KCNK3: variants seen among roughly 807,000 people sequenced by gnomAD.
The protein encoded by KCNK3 is potassium two pore domain channel subfamily K member 3.
KCNK3 carries 9 observed loss-of-function variants against 27.3 expected under a neutral mutation model. That is an observed-to-expected ratio of 0.33 (90% CI 0.20 to 0.57). The LOEUF (loss-of-function observed/expected upper bound fraction) is 0.57. Among genes scored for constraint, KCNK3 ranks in the 20% least tolerant of loss-of-function variants. KCNK3 has a pLI of 0.87. For missense variants in KCNK3, 391 were observed against 577.7 expected (o/e 0.68, Z 3.31); for synonymous variants, 278 against 273.8 (o/e 1.02, Z -0.15).
Position 26,693,175 on chromosome 2 carries a change from C to T in KCNK3, c.283+17C>T. ...CCACCATCGGTAACGGCTCGCCGGG[C>T]GGGGGGCGGGAACCCAGGGCTGGGC... is the stretch of plus-strand genomic sequence containing the variant. On this transcript the variant is annotated intron_variant, in intron 1 of 1. Coordinates refer to ENST00000302909, the MANE Select transcript of KCNK3 (RefSeq NM_002246.3). This position sits in a 1 kb window ranked among gnomAD's most constrained non-coding sequence, Gnocchi z 5.5. 2 of 1,276,558 alleles carry T rather than the reference C, an allele frequency of 1.6e-6. No homozygotes were observed. The highest frequency in any genetic ancestry group is 2.0e-6 in the Non-Finnish European group (2 of 998,668). 79.1% of individuals were successfully genotyped at this position (1,276,558 alleles called of 1,614,324 possible). A position where few individuals can be genotyped will look rare whatever the true frequency, so the allele number is the denominator to read the frequency against.
At chr2:26,715,488 G>A (rs932578346) in intron 1 of KCNK3, among the ~76,000 whole-genome samples, 5 of 152,230 alleles carry the variant, frequency 3.3e-5, no homozygotes, top group Admixed American at 6.5e-5. Context: ...ATAAAAAGCA[G>A]CAGCAGCTAA....
At chr2:26,702,821 T>A (rs1670326219) in intron 1 of KCNK3, among the ~76,000 whole-genome samples, 2 of 152,022 alleles carry the variant, frequency 1.3e-5, no homozygotes, top group Non-Finnish European at 2.9e-5. Context: ...AGGCCATCAA[T>A]AAGGGCAGGC....
chr2:26,703,177 G>A lies in KCNK3; in HGVS notation c.283+10019G>A, dbSNP rs145051463. ...TATGTGCTAAAACTGCTGTCCACAG[G>A]CAGAATTTCTTCTTTGAGGGAGCTT... On this transcript the variant is annotated intron_variant, in intron 1 of 1. Transcript: ENST00000302909. Among the ~76,000 whole-genome samples the A allele has an allele frequency of 9.2e-5, 14 of 152,224 alleles. No individual in the cohort carries two copies. In the East Asian group the frequency reaches 2.7e-3, roughly 29 times the overall value.
At chr2:26,720,358 C>T (rs1663306207) in intron 1 of KCNK3, among the ~76,000 whole-genome samples, 1 of 152,202 alleles carries the variant, frequency 6.6e-6, no homozygotes, top group South Asian at 2.1e-4. Context: ...CCCAGAGCAG[C>T]CCTGGGGTGC....
chr2:26,720,634 C>T (rs1663311192), intron 1 of KCNK3, among the ~76,000 whole-genome samples: 1 of 151,828 alleles, frequency 6.6e-6, no homozygotes, highest in African/African-American at 2.4e-5. Context: ...GGAGGCAGCT[C>T]AAGGCAAGAG....
chr2:26,709,652 C>T (rs1003079731), intron 1 of KCNK3, among the ~76,000 whole-genome samples: 1 of 152,142 alleles, frequency 6.6e-6, no homozygotes, highest in Non-Finnish European at 1.5e-5. Flanking sequence ...AACAGTGAGG[C>T]CAGATTCCAG....
intron 1 of KCNK3, among the ~76,000 whole-genome samples, chr2:26,706,620 G>A (rs1462845955): frequency 1.3e-5 from 2 of 152,150 alleles, no homozygotes; most frequent in Non-Finnish European, 2.9e-5. Context: ...GGGCCGGAGA[G>A]AGAAAACCTG....
chr2:26,700,511 G>A (rs1461906298), intron 1 of KCNK3, among the ~76,000 whole-genome samples: 3 of 152,186 alleles, frequency 2.0e-5, no homozygotes, highest in Non-Finnish European at 4.4e-5. Flanking sequence ...CTGGGCTGGT[G>A]GCCTCTCTGG....
Position 26,711,233 on chromosome 2 carries a change from G to A in KCNK3, c.284-16434G>A, listed in dbSNP as rs114557847. Among the ~76,000 whole-genome samples, 1,393 of 152,258 alleles carry A rather than the reference G, an allele frequency of 9.1e-3. 17 individuals carry two copies. Among genetic ancestry groups the A allele is most frequent in the African/African-American group, 0.031 (1,300 of 41,550 alleles). ...GAGTCACCTCACCTGTCCCAGCATC[G>A]CCTCCTCATTTCTCAGTGGGATGAA... is the stretch of plus-strand genomic sequence containing the variant. On this transcript the variant is annotated intron_variant, in intron 1 of 1. Coordinates refer to ENST00000302909, the MANE Select transcript of KCNK3 (RefSeq NM_002246.3).
Position 26,730,279 on chromosome 2 carries a change from C to T in KCNK3, c.*1711C>T, listed in dbSNP as rs1443049183. 6.6e-6 allele frequency: 1 copy of T among 152,252 alleles called. No individual in the cohort carries two copies. Among genetic ancestry groups the T allele is most frequent in the African/African-American group, 2.4e-5 (1 of 41,452 alleles). 9.4% of individuals were successfully genotyped at this position (152,252 alleles called of 1,614,324 possible). ...CTGGCACCATTGTCATTGTTGGTGC[C>T]TGTGTCCCAAGTAGCTAGTGATAAG... On this transcript the variant is annotated 3_prime_UTR_variant, in exon 2 of 2. Coordinates refer to ENST00000302909, the MANE Select transcript of KCNK3 (RefSeq NM_002246.3).
Position 26,728,272 on chromosome 2 carries a change from C to A in KCNK3, c.889C>A (p.Arg297Ser). The change falls in exon 2 of 2, where the codon CGC becomes AGC. Residue 297 changes from arginine to serine, a missense_variant. This residue lies in a region of KCNK3 where 192 missense variants were observed against 196.0 expected (regional missense o/e 0.98). Coordinates refer to ENST00000302909, the MANE Select transcript of KCNK3 (RefSeq NM_002246.3). ...GGCGGCAGCGGGCGGCGGCGGCTTC[C>A]GCAACGTCTACGCGGAGGTGCTGCA... ...STAAAGGGGF[R>S]NVYAEVLHFQ... 1 of 1,591,430 alleles carries A rather than the reference C, an allele frequency of 6.3e-7. No homozygotes were observed. Among genetic ancestry groups the A allele is most frequent in the East Asian group, 2.3e-5 (1 of 43,514 alleles).
chr2:26,720,442 C>G lies in KCNK3; in HGVS notation c.284-7225C>G, dbSNP rs187852989. Among the ~76,000 whole-genome samples the G allele has an allele frequency of 6.5e-3, 991 of 152,304 alleles. 9 individuals carry two copies. Among genetic ancestry groups the G allele is most frequent in the Non-Finnish European group, 0.012 (788 of 68,018 alleles). The stretch of plus-strand genomic sequence containing the variant: ...GCTGGCCAGGGAGGCAGGCCTGGCT[C>G]TAGGCCAGGCTGTGTCTGCAAACAC... On this transcript the variant is annotated intron_variant, in intron 1 of 1. Transcript: ENST00000302909.
At position 26,727,905 on chromosome 2, in the gene KCNK3, C is replaced by T. The variant is rs572142177; in HGVS notation, c.522C>T (p.Gly174=). ...FFSCISTLCI[G]AAAFSHYEHW... ...CGTGCATCAGCACGCTGTGCATCGG[C>T]GCCGCCGCCTTCTCCCACTACGAGC... The change falls in exon 2 of 2, where the codon GGC becomes GGT. Residue 174 remains glycine (G), a synonymous_variant. Coordinates refer to ENST00000302909, the MANE Select transcript of KCNK3 (RefSeq NM_002246.3). The T allele has an allele frequency of 5.0e-6, 8 of 1,614,208 alleles. No homozygotes were observed. Among genetic ancestry groups the T allele is most frequent in the African/African-American group, 1.3e-5 (1 of 75,068 alleles).
At chr2:26,720,793 G>A (rs1016633347) in intron 1 of KCNK3, among the ~76,000 whole-genome samples, 3 of 152,090 alleles carry the variant, frequency 2.0e-5, no homozygotes, top group Admixed American at 6.5e-5. Flanking sequence ...CAGAAGAAGC[G>A]GATAGGTGCT....
At chr2:26,726,150 G>A (rs1663416663) in intron 1 of KCNK3, among the ~76,000 whole-genome samples, 1 of 151,226 alleles carries the variant, frequency 6.6e-6, no homozygotes, top group Admixed American at 6.6e-5. Context: ...GAGACAGTAA[G>A]TCCAGGACAG....
chr2:26,725,697 G>A (rs1177707782), intron 1 of KCNK3, among the ~76,000 whole-genome samples: 1 of 152,182 alleles, frequency 6.6e-6, no homozygotes, highest in Admixed American at 6.5e-5. Context: ...AGCTGTCCAG[G>A]TCCCTAGCAA....
At chr2:26,716,962 A>G (rs1198859465) in intron 1 of KCNK3, among the ~76,000 whole-genome samples, 1 of 152,200 alleles carries the variant, frequency 6.6e-6, no homozygotes. Context: ...TTTTATTGGA[A>G]CACTAAATTT....
rs1412586028 is a variant in KCNK3 at position 26,728,385 on chromosome 2, C to A, written c.1002C>A (p.Ser334=). 1.9e-6 allele frequency: 3 copies of A among 1,606,994 alleles called. No homozygotes were observed. The African/African-American group carries it at 4.0e-5, about 21-fold the overall frequency. Residue 334 remains serine (S), a synonymous_variant, in exon 2 of 2, where the codon TCC becomes TCA. Transcript: ENST00000302909. ...SIPMIIPRDL[S]TSDTCVEQSH... ...CCATGATCATCCCGCGGGACCTCTCCACGTCCGACACGTGCGTGGAGCAGA... is the reference window on the plus strand; with the variant it reads ...CCATGATCATCCCGCGGGACCTCTCAACGTCCGACACGTGCGTGGAGCAGA...
Position 26,693,598 on chromosome 2 carries a change from G to A in KCNK3, c.283+440G>A, listed in dbSNP as rs1670198835. ...GCAGGTCTACACCTGCTGGGCTCTG[G>A]GGAGGCATGAGGATGTCGGAATGCG... On this transcript the variant is annotated intron_variant, in intron 1 of 1. Transcript: ENST00000302909. The surrounding 1 kb of genome is among the most constrained non-coding windows in gnomAD (Gnocchi z 5.5). Among the ~76,000 whole-genome samples, 1 of 152,214 alleles carries A rather than the reference G, an allele frequency of 6.6e-6. No homozygotes were observed. Among genetic ancestry groups the A allele is most frequent in the Admixed American group, 6.5e-5 (1 of 15,292 alleles).
Sources: gnomAD v4.1 joint callset for allele counts (sites outside exome capture counted in the v4.1 genomes callset) on GRCh38, gnomAD v4.1.1 for gene constraint, gnomAD v4.1.1 regional missense constraint, Gnocchi (gnomAD v3.1) non-coding constraint, MANE v1.5 for transcripts, NCBI Gene and HGNC (gene_info 2026-07-23, HGNC 2026-07-21) for gene names.